The following PRR33 variants were observed in gnomAD, a reference collection of about 807,000 sequenced individuals.
PRR33 encodes proline-rich protein 33.
A neutral mutation model predicts 0.5 loss-of-function variants in PRR33; 1 was observed. The ratio of observed to expected loss-of-function variants is 2.18; its 90% CI spans 0.77 to 10.34. The LOEUF is 10.34. Ranked by LOEUF, PRR33 falls within the 30% of genes most tolerant of loss-of-function variation. The probability of loss-of-function intolerance (pLI) is 0.13; values close to 1 mark genes in which losing one functional copy is unlikely to be tolerated. For synonymous variants in PRR33, 226 were observed against 110.0 expected, an observed-to-expected ratio of 2.06 and a Z score of -6.60; for missense variants, 552 against 251.8, an observed-to-expected ratio of 2.19 and a Z score of -8.07.
chr11:1,892,434 G>T (rs1240480629), upstream of PRR33, among the ~76,000 whole-genome samples: 1 of 152,218 alleles, frequency 6.6e-6, no homozygotes, highest in Non-Finnish European at 1.5e-5. Context: ...TAAGCTCTCT[G>T]GTGGCCTAAG....
chr11:1,889,806 C>T (rs912380655), exon 1 of PRR33: 6 of 640,866 alleles, frequency 9.4e-6, no homozygotes, highest in African/African-American at 9.1e-5. Flanking sequence ...ACTAGCCTCT[C>T]TGGGCACTGA....
At chr11:1,916,160 C>T in the PRR33 span, among the ~76,000 whole-genome samples, 54 of 152,066 alleles carry the variant, frequency 3.6e-4, no homozygotes, top group Middle Eastern at 3.4e-3. Flanking sequence ...CTGGGGACAC[C>T]CTCCCTCCTG....
chr11:1,911,896 C>T, the PRR33 span, among the ~76,000 whole-genome samples: 1 of 149,710 alleles, frequency 6.7e-6, no homozygotes, highest in Non-Finnish European at 1.5e-5. Context: ...AATGGTGGGT[C>T]TCACCTGTAA....
the PRR33 span, among the ~76,000 whole-genome samples, chr11:1,898,069 A>T: frequency 6.6e-6 from 1 of 152,114 alleles, no homozygotes; most frequent in Non-Finnish European, 1.5e-5. Flanking sequence ...ACATTCCTCC[A>T]TGTGCCACAA....
upstream of PRR33, chr11:1,892,041 T>C (rs1308415959): frequency 7.0e-6 from 1 of 142,312 alleles, no homozygotes; most frequent in African/African-American, 2.5e-5. Flanking sequence ...CTCCTGATCA[T>C]TGGCCAAAGG....
At chr11:1,910,629 C>A in the PRR33 span, among the ~76,000 whole-genome samples, 1 of 152,180 alleles carries the variant, frequency 6.6e-6, no homozygotes, top group Non-Finnish European at 1.5e-5. Context: ...ATTCTGACCC[C>A]CGTTAACTTT....
At chr11:1,888,135 C>T (rs578109002) in exon 1 of PRR33, among the ~76,000 whole-genome samples, 45 of 152,262 alleles carry the variant, frequency 3.0e-4, no homozygotes, top group African/African-American at 1.1e-3. Context: ...ATTTCCAGCA[C>T]CCATCACACC....
the PRR33 span, chr11:1,889,401 GA>G: frequency 1.4e-6 from 1 of 693,156 alleles, no homozygotes. Context: ...GGAGGTCCGG[GA>G]GGCGGGGGCC....
chr11:1,898,873 T>G, the PRR33 span, among the ~76,000 whole-genome samples: 1 of 152,128 alleles, frequency 6.6e-6, no homozygotes, highest in Non-Finnish European at 1.5e-5. Context: ...TGGTGGTAGG[T>G]GCCTGTAATC....
exon 1 of PRR33, chr11:1,889,506 G>A (rs769018470): frequency 6.5e-6 from 4 of 617,316 alleles, no homozygotes; most frequent in South Asian, 5.7e-5. Context: ...GCTCTGCCGC[G>A]GCTCTGGGCA....
exon 1 of PRR33, chr11:1,889,658 C>T: frequency 1.6e-6 from 1 of 629,684 alleles, no homozygotes; most frequent in Non-Finnish European, 2.9e-6. Flanking sequence ...CAGGGCTGGA[C>T]ACTCGCTCGG....
the PRR33 span, among the ~76,000 whole-genome samples, chr11:1,913,981 C>A: frequency 2.0e-5 from 3 of 152,276 alleles, no homozygotes; most frequent in African/African-American, 7.2e-5. Context: ...AGCATAGCTG[C>A]TTGCCTCCTG....
At chr11:1,912,316 C>T in the PRR33 span, among the ~76,000 whole-genome samples, 9 of 152,048 alleles carry the variant, frequency 5.9e-5, no homozygotes, top group African/African-American at 2.2e-4. Context: ...ACCCCTGATT[C>T]GGAATGCAAG....
the PRR33 span, among the ~76,000 whole-genome samples, chr11:1,911,542 T>A: frequency 6.6e-6 from 1 of 151,890 alleles, no homozygotes; most frequent in African/African-American, 2.4e-5. Context: ...TTCAGCTTCC[T>A]GAGTAGCTGG....
At chr11:1,909,397 G>A in the PRR33 span, among the ~76,000 whole-genome samples, 1 of 152,120 alleles carries the variant, frequency 6.6e-6, no homozygotes, top group Admixed American at 6.5e-5. Context: ...CGGATCACGA[G>A]GTCAGGAGAT....
chr11:1,899,552 T>C, the PRR33 span, among the ~76,000 whole-genome samples: 3 of 152,210 alleles, frequency 2.0e-5, no homozygotes, highest in Admixed American at 1.3e-4. Flanking sequence ...AGGTTCTATA[T>C]AGGACTTCCA....
the PRR33 span, among the ~76,000 whole-genome samples, chr11:1,899,916 A>G: frequency 3.2e-3 from 488 of 152,288 alleles, 1 homozygote; most frequent in Non-Finnish European, 5.7e-3. Context: ...TGGCCCATCA[A>G]GTAGCAGAAG....
exon 1 of PRR33, chr11:1,889,522 G>A (rs1359312565): frequency 1.6e-6 from 1 of 617,040 alleles, no homozygotes. Context: ...GGGCACGGAG[G>A]CTCTGGGGCC....
chr11:1,908,763 C>G, the PRR33 span, among the ~76,000 whole-genome samples: 166 of 152,296 alleles, frequency 1.1e-3, 1 homozygote, highest in African/African-American at 3.9e-3. Flanking sequence ...ACTTATACGT[C>G]TCATTTCCGC....
Sources: gnomAD v4.1 joint callset for allele counts (sites outside exome capture counted in the v4.1 genomes callset) on GRCh38, gnomAD v4.1.1 for gene constraint, MANE v1.5 for transcripts, NCBI Gene and HGNC (gene_info 2026-07-23, HGNC 2026-07-21) for gene names.